B3GNT3: variants seen among roughly 807,000 people sequenced by gnomAD.
B3GNT3 encodes UDP-GlcNAc:betaGal beta-1,3-N-acetylglucosaminyltransferase 3.
Under a neutral mutation model 11.6 loss-of-function variants are expected in B3GNT3, and 7 were observed. That is an observed-to-expected ratio of 0.60 (90% CI 0.34 to 1.13). The LOEUF is 1.13. Ranked by LOEUF, B3GNT3 falls within the 50% of genes most tolerant of loss-of-function variation. The probability of loss-of-function intolerance (pLI) is 0.03; values close to 1 mark genes in which losing one functional copy is unlikely to be tolerated. For synonymous variants in B3GNT3, 201 were observed against 222.1 expected (o/e 0.90, Z 0.85); for missense variants, 400 against 507.4 (o/e 0.79, Z 2.03).
Position 17,813,071 on chromosome 19 carries a change from TGAAGA to T in B3GNT3, c.*950_*954del, listed in dbSNP as rs2094183260. 6.6e-6 allele frequency: 1 copy of T among 151,468 alleles called. No individual in the cohort carries two copies. The highest frequency in any genetic ancestry group is 1.5e-5 in the Non-Finnish European group (1 of 67,928). 9.4% of individuals were successfully genotyped at this position (151,468 alleles called of 1,614,324 possible). On this transcript the variant is annotated 3_prime_UTR_variant, in exon 3 of 3. Transcript: ENST00000318683. ...CAGCCTTGGGGAATATAAAATTTTGTGAAGACTTGGAGATCTTTTTTTTTTTTTAA... is the reference window on the plus strand; with the variant it reads ...CAGCCTTGGGGAATATAAAATTTTGTCTTGGAGATCTTTTTTTTTTTTTAA...
intron 1 of B3GNT3, among the ~76,000 whole-genome samples, chr19:17,802,915 C>G (rs2094168079): frequency 6.6e-6 from 1 of 152,022 alleles, no homozygotes; most frequent in Non-Finnish European, 1.5e-5. Flanking sequence ...GTCTTGAACT[C>G]CTAGGCTCAA....
At position 17,808,353 on chromosome 19, in the gene B3GNT3, C is replaced by T. The variant is rs746749767; in HGVS notation, c.546C>T (p.Phe182=). The T allele has an allele frequency of 8.1e-6, 13 of 1,608,062 alleles. No individual in the cohort carries two copies. The Admixed American group carries it at 2.2e-4, about 27-fold the overall frequency. Residue 182 remains phenylalanine, a synonymous_variant, in exon 2 of 3, where the codon TTC becomes TTT. Transcript: ENST00000318683. ...DILQWDFHDS[F]FNLTLKQVLF... ...TGCAGTGGGACTTCCACGACTCCTT[C>T]TTCAACCTCACGCTCAAGCAGGTGC...
In B3GNT3 at chr19:17,812,576, T is replaced by C. The variant is rs564944806; in HGVS notation, c.*454T>C. On this transcript the variant is annotated 3_prime_UTR_variant, in exon 3 of 3. Transcript: ENST00000318683. Reference sequence around the variant, plus strand: ...CCACATAGAGCTGACGTGAGAAATATCTTTCAGCCCAGGAGAGAGGGGTCC... The same window carrying C: ...CCACATAGAGCTGACGTGAGAAATACCTTTCAGCCCAGGAGAGAGGGGTCC... 10 of 166,378 alleles carry C rather than the reference T, an allele frequency of 6.0e-5. No homozygotes were observed. Among genetic ancestry groups the C allele is most frequent in the African/African-American group, 2.4e-4 (10 of 41,718 alleles). 10.3% of individuals were successfully genotyped at this position (166,378 alleles called of 1,614,324 possible).
intron 1 of B3GNT3, among the ~76,000 whole-genome samples, chr19:17,804,240 CTT>C (rs773524591): frequency 1.2e-4 from 13 of 112,168 alleles, no homozygotes; most frequent in African/African-American, 1.7e-4. Flanking sequence ...TCTTTTTTTT[CTT>C]TTTTTTTTTT....
chr19:17,809,751 G>C (rs1206294937), intron 2 of B3GNT3, among the ~76,000 whole-genome samples: 1 of 151,770 alleles, frequency 6.6e-6, no homozygotes, highest in Non-Finnish European at 1.5e-5. Context: ...GCACAGCCTC[G>C]TCTCTATTTT....
chr19:17,811,156 A>G lies in B3GNT3; in HGVS notation c.568-415A>G, dbSNP rs1046776951. Among the ~76,000 whole-genome samples, 6 of 152,132 alleles carry G rather than the reference A, an allele frequency of 3.9e-5. No individual in the cohort carries two copies. Among genetic ancestry groups the G allele is most frequent in the African/African-American group, 7.2e-5 (3 of 41,432 alleles). On this transcript the variant is annotated intron_variant, in intron 2 of 2. Transcript: ENST00000318683. The surrounding 1 kb of genome is among the most constrained non-coding windows in gnomAD (Gnocchi z 4.1). ...CTGAGCCCGGGAATTTGAGGCTGCAATGAACTATGATCATAGCGCTACACT... is the reference window on the plus strand; with the variant it reads ...CTGAGCCCGGGAATTTGAGGCTGCAGTGAACTATGATCATAGCGCTACACT...
chr19:17,807,838 G>C lies in B3GNT3; in HGVS notation c.31G>C (p.Ala11Pro), dbSNP rs1343713617. 3 of 1,612,618 alleles carry C rather than the reference G, an allele frequency of 1.9e-6. No homozygotes were observed. Among genetic ancestry groups the C allele is most frequent in the Non-Finnish European group, 1.7e-6 (2 of 1,179,426 alleles). The change falls in exon 2 of 3, where the codon GCC becomes CCC. Residue 11 changes from alanine (A) to proline (P), a missense_variant. Coordinates refer to ENST00000318683, the MANE Select transcript of B3GNT3 (RefSeq NM_014256.4). ...GTATCTCCGGCACCGGCGGCCCAAT[G>C]CCACCCTCATTCTGGCCATCGGCGC... MKYLRHRRPN[A>P]TLILAIGAFT...
chr19:17,806,713 G>A (rs1309432308), intron 1 of B3GNT3, among the ~76,000 whole-genome samples: 9 of 152,092 alleles, frequency 5.9e-5, no homozygotes, highest in South Asian at 2.1e-4. Context: ...CAGCACTTTG[G>A]AAGGCTAAGG....
Position 17,808,350 on chromosome 19 carries a change from C to A in B3GNT3, c.543C>A (p.Ser181=). The A allele has an allele frequency of 6.2e-7, 1 of 1,608,400 alleles. No individual in the cohort carries two copies. The highest frequency in any genetic ancestry group is 1.7e-5 in the Admixed American group (1 of 59,686). The change falls in exon 2 of 3, where the codon TCC becomes TCA. Residue 181 remains serine, a synonymous_variant. Coordinates refer to ENST00000318683, the MANE Select transcript of B3GNT3 (RefSeq NM_014256.4). ...TCCTGCAGTGGGACTTCCACGACTC[C>A]TTCTTCAACCTCACGCTCAAGCAGG... The part of the protein sequence containing the change: ...GDILQWDFHD[S]FFNLTLKQVL...
intron 1 of B3GNT3, among the ~76,000 whole-genome samples, chr19:17,804,524 C>T (rs1338046557): frequency 1.6e-5 from 2 of 122,998 alleles, no homozygotes; most frequent in East Asian, 2.5e-4. Context: ...CGTGAGCCAC[C>T]GTGCCCAGCT....
At chr19:17,805,225 G>C (rs2161488) in intron 1 of B3GNT3, among the ~76,000 whole-genome samples, 60,315 of 150,630 alleles carry the variant, frequency 0.4, 12,403 homozygotes, top group African/African-American at 0.49. Flanking sequence ...TCAACCTCCC[G>C]CATAGCTAGG....
Position 17,813,460 on chromosome 19 carries a change from C to T in B3GNT3, c.*1338C>T, listed in dbSNP as rs1015517298. ...AAGAAGACAAAAACATAAAACAGGA[C>T]ATGTGTGAGGCAAAAGCTGCAGGAA... On this transcript the variant is annotated 3_prime_UTR_variant, in exon 3 of 3. Transcript: ENST00000318683. Among the ~76,000 whole-genome samples, 6 of 152,076 alleles carry T rather than the reference C, an allele frequency of 3.9e-5. No homozygotes were observed. The highest frequency in any genetic ancestry group is 1.2e-4 in the African/African-American group (5 of 41,406).
chr19:17,806,092 C>A (rs548722296), intron 1 of B3GNT3, among the ~76,000 whole-genome samples: 1 of 152,064 alleles, frequency 6.6e-6, no homozygotes, highest in Non-Finnish European at 1.5e-5. Flanking sequence ...CTCAGCCTCC[C>A]GAGTAGTTGG....
intron 1 of B3GNT3, among the ~76,000 whole-genome samples, chr19:17,806,722 G>C (rs749693771): frequency 1.3e-5 from 2 of 152,108 alleles, no homozygotes; most frequent in Non-Finnish European, 2.9e-5. Context: ...GGAAGGCTAA[G>C]GTGGGCAGAT....
intron 2 of B3GNT3, 92 bp downstream of exon 2, chr19:17,808,466 C>T (rs1369242809): frequency 6.1e-6 from 8 of 1,311,708 alleles, no homozygotes; most frequent in Admixed American, 2.6e-5. Context: ...ACCAGAAGTC[C>T]TCGTCAGTCC....
intron 1 of B3GNT3, among the ~76,000 whole-genome samples, chr19:17,798,270 G>A (rs767113862): frequency 6.6e-6 from 1 of 152,138 alleles, no homozygotes; most frequent in Non-Finnish European, 1.5e-5. Context: ...CATCATCTTG[G>A]CTGTGTCCTC....
In B3GNT3 at chr19:17,807,665, C is replaced by G. The variant is rs2094174887; in HGVS notation, c.-50-93C>G. 11 of 787,470 alleles carry G rather than the reference C, an allele frequency of 1.4e-5. No individual in the cohort carries two copies. In the Admixed American group the frequency reaches 3.3e-4, roughly 23 times the overall value. The allele number at this position is 787,470 out of a possible 1,614,324, so 48.8% of individuals were successfully genotyped here. A position where few individuals can be genotyped will look rare whatever the true frequency, so the allele number is the denominator to read the frequency against. ...GGGGTGAATTTCAATATTTTGCCAA[C>G]CTGAGCAACTGTACAGGTGCAACCA... is the stretch of plus-strand genomic sequence containing the variant. On this transcript the variant is annotated intron_variant, in intron 1 of 2. Transcript: ENST00000318683.
Position 17,807,962 on chromosome 19 carries a change from C to CTG in B3GNT3, c.155_156insTG (p.Pro53AspfsTer61). 5 of 1,608,694 alleles carry CTG rather than the reference C, an allele frequency of 3.1e-6. No individual in the cohort carries two copies. The highest frequency in any genetic ancestry group is 1.1e-5 in the South Asian group (1 of 90,648). On this transcript the variant is annotated frameshift_variant, in exon 2 of 3. Coordinates refer to ENST00000318683, the MANE Select transcript of B3GNT3 (RefSeq NM_014256.4). LOFTEE classifies it high-confidence loss of function. ...CCCGAGGCCCTGGCCTGGCCCACTC[C>CTG]ACCCACCCGCCCAGCCCCGGCCCCG...
At chr19:17,806,141 T>G in intron 1 of B3GNT3, among the ~76,000 whole-genome samples, 1 of 151,644 alleles carries the variant, frequency 6.6e-6, no homozygotes, top group East Asian at 1.9e-4. Flanking sequence ...CTAATTTTTG[T>G]ATTTTCTTTT....
Sources: allele counts gnomAD v4.1 joint callset (sites outside exome capture counted in the v4.1 genomes callset), GRCh38; gene constraint gnomAD v4.1.1; non-coding constraint Gnocchi (gnomAD v3.1); transcripts MANE v1.5; gene names NCBI Gene and HGNC (gene_info 2026-07-23, HGNC 2026-07-21).